Variants in CD44 observed in about 807,000 individuals in gnomAD.
CD44 encodes the protein CD44 molecule (IN blood group), also known as CD44 antigen.
In CD44, 49 loss-of-function variants were observed where a neutral mutation model predicts 88.8. The ratio of observed to expected loss-of-function variants is 0.55; its 90% CI spans 0.44 to 0.70. The LOEUF (loss-of-function observed/expected upper bound fraction) is 0.70, where lower values mean the gene tolerates loss of function less well. Among genes scored for constraint, CD44 ranks in the 30% least tolerant of loss-of-function variants. The pLI is 0.00. For synonymous variants in CD44, 325 were observed against 312.3 expected (o/e 1.04, Z -0.43); for missense variants, 883 against 913.8 (o/e 0.97, Z 0.43).
At chr11:35,176,385 C>T (rs990413880) in intron 1 of CD44, among the ~76,000 whole-genome samples, 190 bp from the exon 2 acceptor site, 2 of 151,674 alleles carry the variant, frequency 1.3e-5, no homozygotes, top group Non-Finnish European at 2.9e-5. Flanking sequence ...GCCATGTTAA[C>T]CAGGCTGGTC....
intron 8 of CD44, 121 bp downstream of exon 8, chr11:35,201,316 T>A: frequency 1.4e-6 from 1 of 725,256 alleles, no homozygotes; most frequent in Middle Eastern, 2.4e-4. Context: ...AAATTCTTAG[T>A]GGACTTTTAT....
chr11:35,204,710 C>T (rs1046390213), intron 10 of CD44, 70 bp downstream of exon 10: 43 of 1,404,528 alleles, frequency 3.1e-5, no homozygotes, highest in African/African-American at 4.3e-5. Context: ...ACATTGAGGA[C>T]ATTGAACAAA....
chr11:35,201,551 A>G, intron 8 of CD44, 120 bp from the exon 9 acceptor site: 2 of 1,240,770 alleles, frequency 1.6e-6, no homozygotes, highest in Non-Finnish European at 2.2e-6. Flanking sequence ...TTGAGAGTGG[A>G]TGCTCAGAGG....
chr11:35,194,018 AC>A (rs1946508556), intron 5 of CD44, among the ~76,000 whole-genome samples: 1 of 152,222 alleles, frequency 6.6e-6, no homozygotes, highest in Non-Finnish European at 1.5e-5. Flanking sequence ...AAAAATACAC[AC>A]TAGCAACCCA....
At chr11:35,198,310 C>A (rs1946960603) in intron 7 of CD44, 64 bp downstream of exon 7, 2 of 1,452,918 alleles carry the variant, frequency 1.4e-6, no homozygotes, top group East Asian at 4.6e-5. Flanking sequence ...TGAGTGATAC[C>A]AAATTGTATC....
chr11:35,150,719 G>T (rs1487207897), intron 1 of CD44, among the ~76,000 whole-genome samples: 1 of 152,186 alleles, frequency 6.6e-6, no homozygotes, highest in Non-Finnish European at 1.5e-5. Context: ...TCAGTCATCT[G>T]TCTCTCCAGC....
At chr11:35,191,569 C>G (rs1191674169) in intron 5 of CD44, among the ~76,000 whole-genome samples, 2 of 152,108 alleles carry the variant, frequency 1.3e-5, no homozygotes, top group Non-Finnish European at 2.9e-5. Flanking sequence ...AGGTGCTTAT[C>G]ATTATGGTAG....
chr11:35,144,279 C>T (rs370129245), intron 1 of CD44, among the ~76,000 whole-genome samples: 6 of 152,156 alleles, frequency 3.9e-5, no homozygotes, highest in African/African-American at 1.4e-4. Context: ...GTCACTCCAC[C>T]GAAGAGCCTG....
At chr11:35,160,530 G>GTGTTTGTA (rs1942465782) in intron 1 of CD44, among the ~76,000 whole-genome samples, 1 of 152,220 alleles carries the variant, frequency 6.6e-6, no homozygotes, top group Non-Finnish European at 1.5e-5. Flanking sequence ...GATTCCTTGA[G>GTGTTTGTA]TGTTTGTAGC....
chr11:35,182,537 C>G (rs767467111), intron 3 of CD44, among the ~76,000 whole-genome samples: 2 of 152,134 alleles, frequency 1.3e-5, no homozygotes, highest in Admixed American at 1.3e-4. Flanking sequence ...AAGTAGTACA[C>G]GACTCATACA....
At chr11:35,153,297 A>AT (rs1403201060) in intron 1 of CD44, among the ~76,000 whole-genome samples, 4 of 152,270 alleles carry the variant, frequency 2.6e-5, no homozygotes, top group East Asian at 3.9e-4. Flanking sequence ...AGGGTAATGG[A>AT]TTTTTTAGTG....
At chr11:35,174,621 T>C (rs1019588558) in intron 1 of CD44, among the ~76,000 whole-genome samples, 4 of 152,230 alleles carry the variant, frequency 2.6e-5, no homozygotes, top group African/African-American at 9.6e-5. Flanking sequence ...TAGCTCTCTA[T>C]TGGAATTTCA....
chr11:35,169,399 T>A (rs1943635137), intron 1 of CD44, among the ~76,000 whole-genome samples: 1 of 145,014 alleles, frequency 6.9e-6, no homozygotes, highest in Non-Finnish European at 1.5e-5. Flanking sequence ...AAACCAGAGA[T>A]GTTGCCCTAC....
intron 1 of CD44, among the ~76,000 whole-genome samples, chr11:35,152,509 G>C (rs1044139155): frequency 2.0e-5 from 3 of 152,154 alleles, no homozygotes; most frequent in Non-Finnish European, 4.4e-5. Flanking sequence ...AACCATTTGG[G>C]GATAATAATC....
intron 1 of CD44, among the ~76,000 whole-genome samples, chr11:35,141,568 C>T (rs1213450907): frequency 6.6e-6 from 1 of 152,166 alleles, no homozygotes; most frequent in Non-Finnish European, 1.5e-5. Context: ...CATTCTGACT[C>T]CTGACTCCTT....
chr11:35,221,556 T>A, intron 16 of CD44, 98 bp from the exon 17 acceptor site: 1 of 992,188 alleles, frequency 1.0e-6, no homozygotes, highest in Non-Finnish European at 1.6e-6. Flanking sequence ...GCGCTGACTG[T>A]GGTGCTTGTT....
intron 4 of CD44, among the ~76,000 whole-genome samples, chr11:35,188,160 T>C (rs1487356619): frequency 6.6e-6 from 1 of 152,212 alleles, no homozygotes; most frequent in Non-Finnish European, 1.5e-5. Flanking sequence ...ATACTGACAG[T>C]GTGCACAGGC....
intron 3 of CD44, 149 bp from the exon 4 acceptor site, chr11:35,186,683 G>T (rs1320090641): frequency 1.7e-6 from 1 of 574,870 alleles, no homozygotes; most frequent in Non-Finnish European, 3.2e-6. Context: ...GAAAGGCAGA[G>T]AAATTCCTAG....
chr11:35,226,880 C>CTTTTTTT (rs367551052), intron 17 of CD44, among the ~76,000 whole-genome samples: 1 of 106,210 alleles, frequency 9.4e-6, no homozygotes. Flanking sequence ...TTCTTTTTTC[C>CTTTTTTT]TTTTTTTTTT....
Sources: allele counts gnomAD v4.1 joint callset (sites outside exome capture counted in the v4.1 genomes callset), GRCh38; gene constraint gnomAD v4.1.1; transcripts MANE v1.5; gene names NCBI Gene and HGNC (gene_info 2026-07-23, HGNC 2026-07-21).